The following CFAP95 variants were observed in gnomAD, a reference collection of about 807,000 sequenced individuals.
CFAP95 encodes the protein cilia and flagella associated protein 95.
At chr9:69,903,227 C>A in the CFAP95 span, among the ~76,000 whole-genome samples, 155 of 152,286 alleles carry the variant, frequency 1.0e-3, no homozygotes, top group African/African-American at 3.6e-3. Context: ...TATGTCCAAT[C>A]GTGGAAAAAG....
the CFAP95 span, among the ~76,000 whole-genome samples, chr9:69,879,843 A>G: frequency 6.8e-6 from 1 of 147,560 alleles, no homozygotes; most frequent in Non-Finnish European, 1.5e-5. Flanking sequence ...ATGCCAAACC[A>G]TCCCTGAATC....
the CFAP95 span, among the ~76,000 whole-genome samples, chr9:69,866,486 G>T: frequency 6.6e-6 from 1 of 152,186 alleles, no homozygotes. Flanking sequence ...GATGTCCAAG[G>T]TCAAGAGAAA....
the CFAP95 span, chr9:69,902,446 G>T: frequency 2.7e-6 from 1 of 376,948 alleles, no homozygotes; most frequent in Middle Eastern, 3.7e-4. Context: ...TATGTTAGAA[G>T]CTGGTATGAC....
chr9:69,833,660 C>A, the CFAP95 span, among the ~76,000 whole-genome samples: 3 of 152,138 alleles, frequency 2.0e-5, no homozygotes, highest in African/African-American at 7.2e-5. Context: ...TTGGCCTCAG[C>A]TGGACTTTGG....
the CFAP95 span, among the ~76,000 whole-genome samples, chr9:69,845,968 A>T: frequency 1.3e-5 from 2 of 152,080 alleles, no homozygotes; most frequent in African/African-American, 4.8e-5. Context: ...CTCAGTCAAC[A>T]TCCACTTGCT....
the CFAP95 span, among the ~76,000 whole-genome samples, chr9:69,829,052 TA>T: frequency 6.6e-6 from 1 of 152,174 alleles, no homozygotes; most frequent in African/African-American, 2.4e-5. Flanking sequence ...TTATGTTGGG[TA>T]AAAAGGATGA....
At chr9:69,843,507 CTCCTCCTCCTCCTCCTCCTCCTCCTCCT>C in the CFAP95 span, among the ~76,000 whole-genome samples, 4 of 950 alleles carry the variant, frequency 4.2e-3, no homozygotes, top group Admixed American at 9.1e-3. Context: ...TCCTCCCCCC[CTCCTCCTCCTCCTCCTCCTCCTCCTCCT>C]CCTCCTCCTC....
chr9:69,841,269 A>G, the CFAP95 span, among the ~76,000 whole-genome samples: 1 of 147,162 alleles, frequency 6.8e-6, no homozygotes, highest in African/African-American at 2.5e-5. Flanking sequence ...GTGTCTAATA[A>G]AGAGGTGGGC....
At chr9:69,852,726 C>T in the CFAP95 span, among the ~76,000 whole-genome samples, 1 of 152,274 alleles carries the variant, frequency 6.6e-6, no homozygotes, top group African/African-American at 2.4e-5. Flanking sequence ...TGTGTCCCCA[C>T]CCAAATCTCA....
chr9:69,825,734 A>G, the CFAP95 span, among the ~76,000 whole-genome samples: 1 of 152,166 alleles, frequency 6.6e-6, no homozygotes, highest in East Asian at 1.9e-4. Flanking sequence ...ATTTAGACTT[A>G]CCCTTAACAA....
the CFAP95 span, among the ~76,000 whole-genome samples, chr9:69,831,433 C>A: frequency 6.6e-6 from 1 of 151,188 alleles, no homozygotes; most frequent in Admixed American, 6.6e-5. Flanking sequence ...ATGAAGAACT[C>A]TTTTTTTTTA....
the CFAP95 span, chr9:69,857,876 C>G: frequency 1.2e-6 from 2 of 1,600,976 alleles, no homozygotes; most frequent in Admixed American, 3.3e-5. Flanking sequence ...TACACTCTAA[C>G]AAGTTTTCTA....
the CFAP95 span, among the ~76,000 whole-genome samples, chr9:69,821,922 C>T: frequency 6.6e-6 from 1 of 152,076 alleles, no homozygotes; most frequent in Non-Finnish European, 1.5e-5. Context: ...GTTGTTCTGT[C>T]TTTAGGAACT....
the CFAP95 span, chr9:69,856,788 A>G: frequency 3.5e-6 from 2 of 574,208 alleles, no homozygotes; most frequent in Admixed American, 6.1e-5. Flanking sequence ...TATCAAGCAC[A>G]TTTGTCTCAA....
the CFAP95 span, chr9:69,844,508 T>A: frequency 6.4e-7 from 1 of 1,574,538 alleles, no homozygotes; most frequent in Non-Finnish European, 8.6e-7. Flanking sequence ...CTCCTAATTT[T>A]TTCTTAAGGC....
the CFAP95 span, among the ~76,000 whole-genome samples, chr9:69,902,583 C>T: frequency 2.0e-5 from 3 of 152,090 alleles, no homozygotes; most frequent in Admixed American, 6.5e-5. Flanking sequence ...GTATACCAAA[C>T]GACTTTCTTG....
chr9:69,858,088 TAC>T, the CFAP95 span: 5 of 900,478 alleles, frequency 5.6e-6, no homozygotes, highest in Non-Finnish European at 7.2e-6. Flanking sequence ...AAATGCCCTT[TAC>T]ATGACATCTT....
At chr9:69,841,062 C>T in the CFAP95 span, among the ~76,000 whole-genome samples, 1 of 149,304 alleles carries the variant, frequency 6.7e-6, no homozygotes, top group Non-Finnish European at 1.5e-5. Context: ...CTTTCACAGA[C>T]CATAAATATC....
the CFAP95 span, among the ~76,000 whole-genome samples, chr9:69,847,364 G>A: frequency 6.6e-6 from 1 of 152,132 alleles, no homozygotes; most frequent in Non-Finnish European, 1.5e-5. Flanking sequence ...AACAAGTGAA[G>A]CTTAATCACT....
Sources: allele counts gnomAD v4.1 joint callset (sites outside exome capture counted in the v4.1 genomes callset), GRCh38; gene constraint gnomAD v4.1.1; transcripts MANE v1.5; gene names NCBI Gene and HGNC (gene_info 2026-07-23, HGNC 2026-07-21).